SNX14: variants seen among roughly 807,000 people sequenced by gnomAD.
The protein encoded by SNX14 is sorting nexin 14, also known as sorting nexin-14.
SNX14 carries 93 observed loss-of-function variants against 133.8 expected under a neutral mutation model. The ratio of observed to expected loss-of-function variants is 0.70; its 90% CI spans 0.59 to 0.83. The LOEUF (loss-of-function observed/expected upper bound fraction) is 0.83, where lower values mean the gene tolerates loss of function less well. Among genes scored for constraint, SNX14 ranks in the 40% least tolerant of loss-of-function variants. The pLI is 0.00. For missense variants in SNX14, 945 were observed against 1,094.9 expected (o/e 0.86, Z 1.93); for synonymous variants, 368 against 365.6 (o/e 1.01, Z -0.07).
At chr6:85,530,148 G>T in intron 19 of SNX14, 44 bp downstream of exon 19, 1 of 1,204,436 alleles carries the variant, frequency 8.3e-7, no homozygotes, top group Non-Finnish European at 1.2e-6. Flanking sequence ...TTTAAAGAAT[G>T]CTAATGCTGA....
chr6:85,514,447 T>C, intron 24 of SNX14, 59 bp downstream of exon 24: 1 of 1,581,402 alleles, frequency 6.3e-7, no homozygotes, highest in Non-Finnish European at 8.6e-7. Flanking sequence ...AGATCATTAT[T>C]TGCATCACAG....
chr6:85,559,879 A>G (rs936064370), intron 6 of SNX14, among the ~76,000 whole-genome samples: 14 of 152,224 alleles, frequency 9.2e-5, no homozygotes, highest in African/African-American at 2.2e-4. Flanking sequence ...AATGGCAAAT[A>G]AGCATAAAAG....
chr6:85,557,307 C>CA (rs1317112343), intron 7 of SNX14, among the ~76,000 whole-genome samples: 1 of 152,026 alleles, frequency 6.6e-6, no homozygotes, highest in Non-Finnish European at 1.5e-5. Flanking sequence ...GATCTTAGAG[C>CA]ATGAAAAGTC....
chr6:85,593,361 A>C (rs1230505209), intron 1 of SNX14, among the ~76,000 whole-genome samples: 3 of 152,206 alleles, frequency 2.0e-5, no homozygotes, highest in Non-Finnish European at 2.9e-5. Context: ...CAGGAGACGA[A>C]GCCTCGGGAA....
chr6:85,565,504 TTC>T lies in SNX14; in HGVS notation c.462-87_462-86del, dbSNP rs1234149805. The T allele has an allele frequency of 1.7e-5, 15 of 876,580 alleles. No homozygotes were observed. The African/African-American group carries it at 2.6e-4, about 15-fold the overall frequency. The allele number at this position is 876,580 out of a possible 1,614,324, so 54.3% of individuals were successfully genotyped here. ...CAATCCAAGGGAAAATTTTCCTTTT[TTC>T]TGTTTACTTAAGCTACTTTCTTTTT... On this transcript the variant is annotated intron_variant, in intron 5 of 28. Coordinates refer to ENST00000314673, the MANE Select transcript of SNX14 (RefSeq NM_153816.6).
At chr6:85,538,704 C>A in intron 16 of SNX14, 134 bp downstream of exon 16, 1 of 636,080 alleles carries the variant, frequency 1.6e-6, no homozygotes, top group Non-Finnish European at 2.6e-6. Flanking sequence ...AAAAGATTAT[C>A]CTAAATAACT....
At chr6:85,533,924 G>A in intron 17 of SNX14, 124 bp from the exon 18 acceptor site, 1 of 761,076 alleles carries the variant, frequency 1.3e-6, no homozygotes, top group East Asian at 2.8e-5. Flanking sequence ...TGAAAGCTAG[G>A]TGATATTAAA....
chr6:85,577,100 G>A (rs1797577555), intron 1 of SNX14, among the ~76,000 whole-genome samples: 1 of 152,022 alleles, frequency 6.6e-6, no homozygotes, highest in South Asian at 2.1e-4. Context: ...AAATCAAGAG[G>A]ATTAAGTAGT....
intron 21 of SNX14, among the ~76,000 whole-genome samples, chr6:85,521,811 T>C (rs957760338): frequency 3.3e-5 from 5 of 152,234 alleles, no homozygotes; most frequent in Non-Finnish European, 7.3e-5. Context: ...ATAAGATCTT[T>C]GCCTAGACTA....
At chr6:85,556,053 A>G (rs150546214) in intron 7 of SNX14, among the ~76,000 whole-genome samples, 3 of 152,256 alleles carry the variant, frequency 2.0e-5, no homozygotes, top group African/African-American at 7.2e-5. Context: ...TGATGTATCA[A>G]TATTGGTACA....
chr6:85,547,433 T>C, intron 10 of SNX14, 36 bp from the exon 11 acceptor site: 3 of 1,608,088 alleles, frequency 1.9e-6, no homozygotes, highest in Non-Finnish European at 2.5e-6. Context: ...TCAGTAAAAT[T>C]CCCACTTGAT....
At chr6:85,541,914 CT>C (rs1783876313) in intron 15 of SNX14, 70 bp downstream of exon 15, 3 of 1,136,312 alleles carry the variant, frequency 2.6e-6, no homozygotes, top group Non-Finnish European at 3.8e-6. Context: ...AGAAAAATAG[CT>C]AATAAAGACA....
At chr6:85,572,992 T>C (rs921592534) in intron 2 of SNX14, among the ~76,000 whole-genome samples, 1 of 152,138 alleles carries the variant, frequency 6.6e-6, no homozygotes, top group African/African-American at 2.4e-5. Flanking sequence ...GACACTCTAC[T>C]GCAAAGGCAT....
At chr6:85,508,192 A>G (rs775969116) in intron 26 of SNX14, 133 bp from the exon 27 acceptor site, 56 of 1,388,732 alleles carry the variant, frequency 4.0e-5, no homozygotes, top group Non-Finnish European at 4.9e-5. Flanking sequence ...TCCCCAAACC[A>G]GTGTTTCTAT....
chr6:85,526,116 A>G lies in SNX14; in HGVS notation c.2107+10T>C. The G allele has an allele frequency of 6.7e-7, 1 of 1,492,434 alleles. No homozygotes were observed. Among genetic ancestry groups the G allele is most frequent in the Non-Finnish European group, 9.2e-7 (1 of 1,091,984 alleles). 92.4% of individuals were successfully genotyped at this position (1,492,434 alleles called of 1,614,324 possible). The stretch of plus-strand genomic sequence containing the variant: ...TTATTATCTTATAATGATTCTTTAA[A>G]TTGACTTACCAAGATTTACATCTGG... On this transcript the variant is annotated intron_variant, in intron 21 of 28. Transcript: ENST00000314673.
rs1197100746 is a variant in SNX14 at position 85,530,172 on chromosome 6, A to C, written c.1894+20T>G. The C allele has an allele frequency of 6.9e-7, 1 of 1,448,366 alleles. No individual in the cohort carries two copies. Among genetic ancestry groups the C allele is most frequent in the South Asian group, 1.2e-5 (1 of 83,840 alleles). 89.7% of individuals were successfully genotyped at this position (1,448,366 alleles called of 1,614,324 possible). On this transcript the variant is annotated intron_variant, in intron 19 of 28. Transcript: ENST00000314673. ...TGCTAATGCTGAAATGTAATGTTTT[A>C]TCCAAAAAGAATAACATACCATGAA...
At chr6:85,536,729 C>A in intron 17 of SNX14, 63 bp downstream of exon 17, 3 of 1,501,968 alleles carry the variant, frequency 2.0e-6, no homozygotes, top group South Asian at 1.3e-5. Flanking sequence ...ATGAGTATAT[C>A]TAATTTTTAT....
intron 6 of SNX14, among the ~76,000 whole-genome samples, chr6:85,564,099 A>G: frequency 6.6e-6 from 1 of 152,068 alleles, no homozygotes; most frequent in East Asian, 1.9e-4. Context: ...AAGGACATGA[A>G]CTCATCCTTT....
chr6:85,528,144 T>C (rs996996824), intron 20 of SNX14, 118 bp downstream of exon 20: 1 of 590,946 alleles, frequency 1.7e-6, no homozygotes, highest in African/African-American at 1.9e-5. Flanking sequence ...ATTTTCTAAA[T>C]TAAAATCTAC....
Sources: gnomAD v4.1 joint callset for allele counts (sites outside exome capture counted in the v4.1 genomes callset) on GRCh38, gnomAD v4.1.1 for gene constraint, MANE v1.5 for transcripts, NCBI Gene and HGNC (gene_info 2026-07-23, HGNC 2026-07-21) for gene names.